NFIB: variants seen among roughly 807,000 people sequenced by gnomAD.
The protein encoded by NFIB is nuclear factor I B, also known as nuclear factor 1 B-type.
In NFIB, 11 loss-of-function variants were observed where a neutral mutation model predicts 61.5. The ratio of observed to expected loss-of-function variants is 0.18; its 90% CI spans 0.11 to 0.30. The LOEUF (loss-of-function observed/expected upper bound fraction) is 0.30, where lower values mean the gene tolerates loss of function less well. NFIB is among the 10% of genes least tolerant of loss of function. The pLI is 1.00. For missense variants in NFIB, 471 were observed against 608.9 expected (o/e 0.77, Z 2.38); for synonymous variants, 260 against 216.5 (o/e 1.20, Z -1.76).
At chr9:14,412,918 C>T in the NFIB span, among the ~76,000 whole-genome samples, 1 of 152,194 alleles carries the variant, frequency 6.6e-6, no homozygotes, top group African/African-American at 2.4e-5. Context: ...TACAAATACA[C>T]TAGGAAGGGC....
At position 14,245,478 on chromosome 9, in the gene NFIB, A is replaced by G. The variant is rs150829865; in HGVS notation, c.562+61511T>C. On this transcript the variant is annotated intron_variant, in intron 2 of 10. Coordinates refer to ENST00000380953, the MANE Select transcript of NFIB (RefSeq NM_001190737.2). Reference sequence around the variant, plus strand: ...AAAACAAAACAGAAAAAAAAAACCAACGGCAACAAAAAAAATGCAACCCTT... The same window carrying G: ...AAAACAAAACAGAAAAAAAAAACCAGCGGCAACAAAAAAAATGCAACCCTT... Among the ~76,000 whole-genome samples the G allele has an allele frequency of 8.3e-4, 126 of 151,958 alleles. No homozygotes were observed. In the Middle Eastern group the frequency reaches 0.01, roughly 12 times the overall value.
At chr9:14,442,868 T>C in the NFIB span, among the ~76,000 whole-genome samples, 1 of 152,142 alleles carries the variant, frequency 6.6e-6, no homozygotes, top group Non-Finnish European at 1.5e-5. Flanking sequence ...GTATCACTAA[T>C]GTGTATAACT....
chr9:14,480,128 A>T, the NFIB span, among the ~76,000 whole-genome samples: 1 of 152,002 alleles, frequency 6.6e-6, no homozygotes, highest in Non-Finnish European at 1.5e-5. Flanking sequence ...TTTATAAGTC[A>T]GGCCCTCTTC....
chr9:14,239,056 A>T (rs2054088777), intron 2 of NFIB, among the ~76,000 whole-genome samples: 1 of 152,234 alleles, frequency 6.6e-6, no homozygotes, highest in Non-Finnish European at 1.5e-5. Flanking sequence ...AAGGAGTTAC[A>T]TTTGATTCTG....
At chr9:14,381,471 G>C (rs1361526232) in intron 1 of NFIB, among the ~76,000 whole-genome samples, 2 of 152,158 alleles carry the variant, frequency 1.3e-5, no homozygotes, top group African/African-American at 4.8e-5. Context: ...GATTACAGGT[G>C]TGAGCCACCA....
chr9:14,278,116 C>T (rs944755391), intron 2 of NFIB, among the ~76,000 whole-genome samples: 1 of 152,166 alleles, frequency 6.6e-6, no homozygotes, highest in African/African-American at 2.4e-5. Flanking sequence ...CACAACCATC[C>T]TGATGACCAG....
At chr9:14,515,147 G>A in the NFIB span, among the ~76,000 whole-genome samples, 1 of 151,974 alleles carries the variant, frequency 6.6e-6, no homozygotes, top group Non-Finnish European at 1.5e-5. Context: ...TGGAGACCTA[G>A]CCAGAAGGAT....
At chr9:14,462,968 G>A in the NFIB span, among the ~76,000 whole-genome samples, 125 of 152,296 alleles carry the variant, frequency 8.2e-4, no homozygotes, top group African/African-American at 2.9e-3. Flanking sequence ...TGCTGAATAT[G>A]TGCTTCACGA....
chr9:14,523,453 G>A, the NFIB span, among the ~76,000 whole-genome samples: 149 of 151,962 alleles, frequency 9.8e-4, no homozygotes, highest in Non-Finnish European at 1.8e-3. Context: ...TTATTCCTGC[G>A]TGTGCCTCTG....
chr9:14,503,715 G>A, the NFIB span, among the ~76,000 whole-genome samples: 3,941 of 152,198 alleles, frequency 0.026, 63 homozygotes, highest in South Asian at 0.043. Context: ...TGTAGATTCT[G>A]GATATTAGTT....
At chr9:14,284,473 T>C (rs1419134557) in intron 2 of NFIB, among the ~76,000 whole-genome samples, 1 of 152,176 alleles carries the variant, frequency 6.6e-6, no homozygotes, top group Non-Finnish European at 1.5e-5. Context: ...TCCTGCAAAC[T>C]TATGATGATT....
intron 3 of NFIB, among the ~76,000 whole-genome samples, chr9:14,169,669 A>C (rs1442160270): frequency 6.6e-6 from 1 of 152,114 alleles, no homozygotes; most frequent in African/African-American, 2.4e-5. Context: ...AAAAATACAA[A>C]AATTAGCCGG....
At chr9:14,214,780 A>C (rs2050676692) in intron 2 of NFIB, among the ~76,000 whole-genome samples, 1 of 152,166 alleles carries the variant, frequency 6.6e-6, no homozygotes, top group African/African-American at 2.4e-5. Flanking sequence ...TTCATCATTT[A>C]TTTTACTGAA....
intron 1 of NFIB, among the ~76,000 whole-genome samples, chr9:14,375,879 C>A (rs2061413148): frequency 6.6e-6 from 1 of 152,160 alleles, no homozygotes; most frequent in South Asian, 2.1e-4. Context: ...CATATAACAT[C>A]CTTAGAGCTG....
chr9:14,392,215 C>A (rs1166070297), intron 1 of NFIB, among the ~76,000 whole-genome samples: 2 of 152,112 alleles, frequency 1.3e-5, no homozygotes, highest in East Asian at 3.9e-4. Flanking sequence ...CTGGATGTGA[C>A]CCTGGGGTAG....
At chr9:14,288,234 C>A (rs2058844872) in intron 2 of NFIB, among the ~76,000 whole-genome samples, 1 of 151,966 alleles carries the variant, frequency 6.6e-6, no homozygotes, top group African/African-American at 2.4e-5. Context: ...TTAAAAGATA[C>A]TTTACGAAAC....
chr9:14,279,620 G>C (rs746962928), intron 2 of NFIB, among the ~76,000 whole-genome samples: 6 of 152,132 alleles, frequency 3.9e-5, no homozygotes, highest in Non-Finnish European at 7.4e-5. Flanking sequence ...ACAACTCAAA[G>C]CACCTAAGAT....
intron 6 of NFIB, among the ~76,000 whole-genome samples, chr9:14,130,853 A>G (rs1172424358): frequency 6.6e-6 from 1 of 152,226 alleles, no homozygotes; most frequent in Admixed American, 6.5e-5. Flanking sequence ...TGTTCCATGA[A>G]TAAATATCAC....
chr9:14,264,092 G>GT (rs2057003021), intron 2 of NFIB, among the ~76,000 whole-genome samples: 1 of 151,662 alleles, frequency 6.6e-6, no homozygotes, highest in Non-Finnish European at 1.5e-5. Flanking sequence ...AACTTCAAAG[G>GT]TTTTGCCTCT....
Sources: allele counts gnomAD v4.1 joint callset (sites outside exome capture counted in the v4.1 genomes callset), GRCh38; gene constraint gnomAD v4.1.1; transcripts MANE v1.5; gene names NCBI Gene and HGNC (gene_info 2026-07-23, HGNC 2026-07-21).